Variants in MYO1D observed in about 807,000 individuals in gnomAD.
MYO1D encodes unconventional myosin-Id.
MYO1D carries 83 observed loss-of-function variants against 122.0 expected under a neutral mutation model. That is an observed-to-expected ratio of 0.68 (90% confidence interval 0.57 to 0.82). The LOEUF (loss-of-function observed/expected upper bound fraction) is 0.82. MYO1D is among the 40% of genes least tolerant of loss of function. The probability of loss-of-function intolerance (pLI) is 0.00; values close to 1 mark genes in which losing one functional copy is unlikely to be tolerated. For missense variants in MYO1D, 1,157 were observed against 1,269.5 expected, an observed-to-expected ratio of 0.91 and a Z score of 1.35; for synonymous variants, 464 against 446.9, an observed-to-expected ratio of 1.04 and a Z score of -0.48.
At chr17:32,543,086 C>T (rs1226035976) in intron 21 of MYO1D, among the ~76,000 whole-genome samples, 1 of 150,338 alleles carries the variant, frequency 6.7e-6, no homozygotes, top group African/African-American at 2.5e-5. Context: ...ATTAGCCAGG[C>T]ATGGTGGCGG....
intron 1 of MYO1D, among the ~76,000 whole-genome samples, chr17:32,861,043 C>T (rs1178389567): frequency 2.0e-5 from 3 of 151,742 alleles, no homozygotes; most frequent in Non-Finnish European, 2.9e-5. Context: ...ATAGGGATCA[C>T]GTCTGGGCTG....
intron 21 of MYO1D, among the ~76,000 whole-genome samples, chr17:32,561,688 C>CAAAAAAAA (rs60531756): frequency 1.4e-5 from 1 of 71,794 alleles, no homozygotes; most frequent in Non-Finnish European, 2.8e-5. Flanking sequence ...GGCTCTGTCT[C>CAAAAAAAA]AAAAAAAAAA....
chr17:32,845,060 T>C (rs773866377), intron 1 of MYO1D, among the ~76,000 whole-genome samples: 15 of 151,920 alleles, frequency 9.9e-5, no homozygotes, highest in African/African-American at 2.7e-4. Flanking sequence ...AAAAAAAATC[T>C]GGAAGGCTAC....
chr17:32,720,876 A>G (rs2089501579), intron 15 of MYO1D, 147 bp downstream of exon 15: 1 of 860,536 alleles, frequency 1.2e-6, no homozygotes, highest in Admixed American at 3.0e-5. Flanking sequence ...TGAAACTGGG[A>G]AAGTCTTTCA....
At chr17:32,559,019 G>A (rs2150888858) in intron 21 of MYO1D, among the ~76,000 whole-genome samples, 1 of 152,314 alleles carries the variant, frequency 6.6e-6, no homozygotes, top group Admixed American at 6.5e-5. Flanking sequence ...CACAGACTAA[G>A]GACTAGACAA....
At chr17:32,762,340 T>C in intron 8 of MYO1D, among the ~76,000 whole-genome samples, 1 of 152,214 alleles carries the variant, frequency 6.6e-6, no homozygotes, top group African/African-American at 2.4e-5. Context: ...CCAGACCATG[T>C]TAAAGTATTA....
At position 32,792,180 on chromosome 17, in the gene MYO1D, T is replaced by C. The variant is rs1036000211; in HGVS notation, c.96-11396A>G. The stretch of plus-strand genomic sequence containing the variant: ...ATTTCTTTGTGCATATGTGTATGTA[T>C]ATCTGTAGAACGCACATCTAGAATT... On this transcript the variant is annotated intron_variant, in intron 1 of 21. Transcript: ENST00000318217. Among the ~76,000 whole-genome samples the C allele has an allele frequency of 3.3e-5, 5 of 152,246 alleles. No individual in the cohort carries two copies. In the South Asian group the frequency reaches 8.3e-4, roughly 25 times the overall value.
intron 14 of MYO1D, among the ~76,000 whole-genome samples, chr17:32,733,651 C>T (rs978530797): frequency 7.2e-5 from 11 of 152,318 alleles, no homozygotes; most frequent in Admixed American, 5.9e-4. Context: ...CTGGGCTTCA[C>T]TTCAAGGACC....
intron 16 of MYO1D, among the ~76,000 whole-genome samples, chr17:32,705,947 C>T (rs1163126571): frequency 1.3e-5 from 2 of 152,188 alleles, no homozygotes; most frequent in Non-Finnish European, 1.5e-5. Context: ...TGCCTTTCAC[C>T]TTCTGCCATG....
rs1675903910 is a variant in MYO1D at position 32,811,403 on chromosome 17, C to T, written c.96-30619G>A. ...TATGTCCAGTCAATGAGGATGCATG[C>T]TGCATCTCCCAAATCCATCCCCGCT... On this transcript the variant is annotated intron_variant, in intron 1 of 21. Coordinates refer to ENST00000318217, the MANE Select transcript of MYO1D (RefSeq NM_015194.3). Among the ~76,000 whole-genome samples the T allele has an allele frequency of 2.6e-5, 4 of 152,202 alleles. No individual in the cohort carries two copies. In the South Asian group the frequency reaches 8.3e-4, roughly 31 times the overall value.
At chr17:32,745,341 TA>T (rs1259641763) in intron 12 of MYO1D, 56 bp from the exon 13 acceptor site, 1 of 1,191,940 alleles carries the variant, frequency 8.4e-7, no homozygotes. Flanking sequence ...GAGCCACATT[TA>T]AGTTTTTCCA....
chr17:32,681,754 A>C (rs2088920658), intron 16 of MYO1D, among the ~76,000 whole-genome samples: 1 of 141,488 alleles, frequency 7.1e-6, no homozygotes, highest in Non-Finnish European at 1.5e-5. Context: ...AGTTCTGTAG[A>C]TGTCTATTAG....
rs539201057 is a variant in MYO1D at position 32,555,689 on chromosome 17, C to T, written c.2864+49398G>A. ...CGGCTAGAATCCTGTATCCGTGGCACATCCACCAACACCCATGCCATTCCA... is the reference window on the plus strand; with the variant it reads ...CGGCTAGAATCCTGTATCCGTGGCATATCCACCAACACCCATGCCATTCCA... On this transcript the variant is annotated intron_variant, in intron 21 of 21. Coordinates refer to ENST00000318217, the MANE Select transcript of MYO1D (RefSeq NM_015194.3). Among the ~76,000 whole-genome samples, 4 of 152,314 alleles carry T rather than the reference C, an allele frequency of 2.6e-5. No homozygotes were observed. The South Asian group carries it at 8.3e-4, about 32-fold the overall frequency.
chr17:32,598,166 G>C (rs755044806), intron 21 of MYO1D, among the ~76,000 whole-genome samples: 8 of 152,132 alleles, frequency 5.3e-5, no homozygotes, highest in African/African-American at 1.2e-4. Context: ...TTGAGGCCAG[G>C]AGTTCAAAAC....
chr17:32,720,220 A>AT (rs1233189503), intron 15 of MYO1D, among the ~76,000 whole-genome samples: 3 of 152,060 alleles, frequency 2.0e-5, no homozygotes, highest in Non-Finnish European at 4.4e-5. Flanking sequence ...TATCATTATC[A>AT]TTTTTTTATA....
intron 15 of MYO1D, among the ~76,000 whole-genome samples, chr17:32,720,147 T>G (rs2089493892): frequency 6.6e-6 from 1 of 152,184 alleles, no homozygotes; most frequent in East Asian, 1.9e-4. Context: ...TTATAGAAAA[T>G]GTTCAATAAG....
intron 1 of MYO1D, among the ~76,000 whole-genome samples, chr17:32,857,926 G>A (rs551411297): frequency 6.6e-6 from 1 of 152,130 alleles, no homozygotes; most frequent in South Asian, 2.1e-4. Flanking sequence ...CATTATTCTT[G>A]GAACGAATTA....
At chr17:32,763,250 T>C (rs2090021193) in intron 8 of MYO1D, among the ~76,000 whole-genome samples, 1 of 150,648 alleles carries the variant, frequency 6.6e-6, no homozygotes, top group Non-Finnish European at 1.5e-5. Context: ...TTGCTCTCCA[T>C]TGCACTTAGG....
intron 20 of MYO1D, among the ~76,000 whole-genome samples, chr17:32,630,971 T>C (rs1278483470): frequency 6.6e-6 from 1 of 152,136 alleles, no homozygotes; most frequent in Non-Finnish European, 1.5e-5. Flanking sequence ...TGTTGTAATC[T>C]CCTCTCATGT....
Sources: gnomAD v4.1 joint callset for allele counts (sites outside exome capture counted in the v4.1 genomes callset) on GRCh38, gnomAD v4.1.1 for gene constraint, MANE v1.5 for transcripts, NCBI Gene and HGNC (gene_info 2026-07-23, HGNC 2026-07-21) for gene names.